Variants in FYCO1 observed in about 807,000 individuals in gnomAD.
FYCO1 encodes the protein FYVE and coiled-coil domain-containing protein 1.
Under a neutral mutation model 165.1 loss-of-function variants are expected in FYCO1, and 122 were observed. The ratio of observed to expected loss-of-function variants is 0.74; its 90% CI spans 0.64 to 0.86. FYCO1 has a LOEUF of 0.86. Ranked by LOEUF, FYCO1 falls within the 40% of genes least tolerant of loss-of-function variation. The pLI, the probability that FYCO1 is intolerant of heterozygous loss-of-function variation, is 0.00. For synonymous variants in FYCO1, 648 were observed against 742.5 expected, an observed-to-expected ratio of 0.87 and a Z score of 2.07; for missense variants, 1,702 against 1,810.3, an observed-to-expected ratio of 0.94 and a Z score of 1.09.
intron 14 of FYCO1, chr3:45,947,239 T>C: frequency 7.4e-6 from 12 of 1,614,164 alleles, no homozygotes; most frequent in Non-Finnish European, 1.0e-5. Context: ...ATGAAGTTCA[T>C]CCGCAGCACA....
At position 45,967,447 on chromosome 3, in the gene FYCO1, G is replaced by C; in HGVS notation, c.1887C>G (p.Val629=). Residue 629 remains valine (V), a synonymous_variant, in exon 8 of 18, where the codon GTC becomes GTG. Coordinates refer to ENST00000296137, the MANE Select transcript of FYCO1 (RefSeq NM_024513.4). The part of the protein sequence containing the change: ...RELEKELQNV[V]GRNQLLEGKL... ...TGCCCTCCAGGAGCTGGTTACGCCC[G>C]ACCACATTCTGTAGCTCCTTCTCCA... 1 of 1,613,524 alleles carries C rather than the reference G, an allele frequency of 6.2e-7. No homozygotes were observed. The highest frequency in any genetic ancestry group is 8.5e-7 in the Non-Finnish European group (1 of 1,180,008).
chr3:45,964,357 G>C lies in FYCO1; in HGVS notation c.3248C>G (p.Ala1083Gly). ...AMLRKDKEGA[A>G]LREDLERTQK... ...TAACCTTTCTAGGTCTTCACGCAGG[G>C]CAGCCCCCTCCTTGTCCTTCCTCAG... Residue 1083 changes from alanine (A) to glycine (G), a missense_variant, in exon 10 of 18, where the codon GCC (alanine) becomes GGC (glycine). Coordinates refer to ENST00000296137, the MANE Select transcript of FYCO1 (RefSeq NM_024513.4). This position sits in a 1 kb window ranked among gnomAD's most constrained non-coding sequence, Gnocchi z 4.1. 1.9e-6 allele frequency: 3 copies of C among 1,613,958 alleles called. No individual in the cohort carries two copies. The highest frequency in any genetic ancestry group is 2.5e-6 in the Non-Finnish European group (3 of 1,179,800).
chr3:45,986,788 C>T (rs544912384), intron 1 of FYCO1, among the ~76,000 whole-genome samples: 1 of 152,308 alleles, frequency 6.6e-6, no homozygotes, highest in East Asian at 1.9e-4. Flanking sequence ...ACCAGCTGAA[C>T]ACAGGCCTGA....
intron 16 of FYCO1, among the ~76,000 whole-genome samples, chr3:45,927,908 C>T (rs1703398793): frequency 6.6e-6 from 1 of 152,244 alleles, no homozygotes; most frequent in South Asian, 2.1e-4. Flanking sequence ...AAGGCAGGTC[C>T]CCTGAAGAGG....
chr3:45,981,326 A>C (rs1384047231), intron 3 of FYCO1, among the ~76,000 whole-genome samples: 2 of 152,190 alleles, frequency 1.3e-5, no homozygotes, highest in Non-Finnish European at 2.9e-5. Flanking sequence ...CCTTACAATG[A>C]CCTAAATCTC....
intron 6 of FYCO1, among the ~76,000 whole-genome samples, chr3:45,972,822 T>G (rs1372330491): frequency 6.6e-6 from 1 of 152,140 alleles, no homozygotes; most frequent in Non-Finnish European, 1.5e-5. Flanking sequence ...ACAAGTGCCT[T>G]AAAAAAATTT....
Position 45,966,437 on chromosome 3 carries a change from T to C in FYCO1, c.2897A>G (p.Lys966Arg), listed in dbSNP as rs1028481922. ...QEKESLQEKL[K>R]AAKAAAGSLP... ...TGAGCCGGCTGCTGCCTTGGCCGCC[T>C]TCAGCTTCTCCTGCAAGCTCTCCTT... The change falls in exon 8 of 18, where the codon AAG becomes AGG. Residue 966 changes from lysine (K) to arginine (R), a missense_variant. Transcript: ENST00000296137. The C allele has an allele frequency of 6.2e-7, 1 of 1,612,676 alleles. No homozygotes were observed. The highest frequency in any genetic ancestry group is 8.5e-7 in the Non-Finnish European group (1 of 1,178,890).
Position 45,955,399 on chromosome 3 carries a change from C to T in FYCO1, c.3800-6G>A, listed in dbSNP as rs749256294. Reference sequence around the variant, plus strand: ...CCTGTAGTCTGTATTTGCTCCTGGGCAGCAGAGGCAGATCAGGAGAGAAGA... The same window carrying T: ...CCTGTAGTCTGTATTTGCTCCTGGGTAGCAGAGGCAGATCAGGAGAGAAGA... On this transcript the variant is annotated splice_region_variant and splice_polypyrimidine_tract_variant and intron_variant, in intron 13 of 17. Coordinates refer to ENST00000296137, the MANE Select transcript of FYCO1 (RefSeq NM_024513.4). The T allele has an allele frequency of 2.5e-5, 40 of 1,614,004 alleles. No homozygotes were observed. The highest frequency in any genetic ancestry group is 8.3e-5 in the Admixed American group (5 of 60,008).
Position 45,969,577 on chromosome 3 carries a change from C to G in FYCO1, c.630+98G>C, listed in dbSNP as rs7646474. ...AGTGGTTCTATTGCTCTGGCTGGAACAACGGGCATCTGAGAACATCACCCT... is the reference window on the plus strand; with the variant it reads ...AGTGGTTCTATTGCTCTGGCTGGAAGAACGGGCATCTGAGAACATCACCCT... On this transcript the variant is annotated intron_variant, in intron 7 of 17. Coordinates refer to ENST00000296137, the MANE Select transcript of FYCO1 (RefSeq NM_024513.4). The G allele has an allele frequency of 0.015, 13,337 of 915,492 alleles. 235 individuals carry two copies. The highest frequency in any genetic ancestry group is 0.07 in the African/African-American group (4,276 of 61,240). 56.7% of individuals were successfully genotyped at this position (915,492 alleles called of 1,614,324 possible).
chr3:45,973,931 T>C (rs1706582990), intron 5 of FYCO1, among the ~76,000 whole-genome samples: 1 of 151,834 alleles, frequency 6.6e-6, no homozygotes, highest in African/African-American at 2.4e-5. Flanking sequence ...CATGGTGGCA[T>C]GTACCTGTAG....
chr3:45,926,693 G>C lies in FYCO1; in HGVS notation c.4252-2928C>G, dbSNP rs961158534. On this transcript the variant is annotated intron_variant, in intron 16 of 17. Coordinates refer to ENST00000296137, the MANE Select transcript of FYCO1 (RefSeq NM_024513.4). ...ATAATAGAATATTCCGGCCAGGCAC[G>C]GTGGCTCACGCCCGTAATCTCAACA... 3.2e-4 allele frequency among the ~76,000 whole-genome samples: 48 copies of C among 152,300 alleles called. 1 individual carries two copies. The highest frequency in any genetic ancestry group is 1.1e-3 in the African/African-American group (47 of 41,556).
At chr3:45,956,210 C>A (rs1705307758) in intron 13 of FYCO1, among the ~76,000 whole-genome samples, 1 of 151,992 alleles carries the variant, frequency 6.6e-6, no homozygotes, top group Non-Finnish European at 1.5e-5. Flanking sequence ...GTGGCGGGCA[C>A]CTGTAATCCC....
At position 45,984,897 on chromosome 3, in the gene FYCO1, T is replaced by A. The variant is rs772586064; in HGVS notation, c.14A>T (p.Asn5Ile). 6.2e-7 allele frequency: 1 copy of A among 1,614,148 alleles called. No individual in the cohort carries two copies. The highest frequency in any genetic ancestry group is 8.5e-7 in the Non-Finnish European group (1 of 1,180,020). The change falls in exon 2 of 18, where the codon AAT becomes ATT. Residue 5 changes from asparagine to isoleucine, a missense_variant. Physicochemically the swap from Asn to Ile is moderately radical, Grantham distance 149. Transcript: ENST00000296137. The stretch of plus-strand genomic sequence containing the variant: ...GATTCTCTGGAGCTGGCTCTCTGCA[T>A]TGGTGGAGGCCATGGTGAGTTTGCC... MAST[N>I]AESQLQRIIR...
chr3:45,965,215 G>C (rs780385308), intron 8 of FYCO1, 90 bp from the exon 9 acceptor site: 27 of 987,536 alleles, frequency 2.7e-5, no homozygotes, highest in Non-Finnish European at 4.1e-5. Flanking sequence ...ATAAAACCAA[G>C]CTAACTTTCT....
Position 45,967,931 on chromosome 3 carries a change from T to G in FYCO1, c.1403A>C (p.Gln468Pro), listed in dbSNP as rs781092962. The change falls in exon 8 of 18, where the codon CAG becomes CCG. Residue 468 changes from glutamine to proline, a missense_variant. Gln to Pro is a moderately conservative substitution (Grantham distance 76, BLOSUM62 -1). Transcript: ENST00000296137. ...ELSGKGQEAD[Q>P]LWRRLQELLA... ...CAACTCCTGCAGCCGTCGCCAGAGC[T>G]GGTCTGCCTCCTGTCCCTTCCCAGA... The G allele has an allele frequency of 6.2e-7, 1 of 1,614,156 alleles. No homozygotes were observed. Among genetic ancestry groups the G allele is most frequent in the Non-Finnish European group, 8.5e-7 (1 of 1,180,036 alleles).
chr3:45,978,960 C>T (rs891202391), intron 4 of FYCO1, among the ~76,000 whole-genome samples: 1 of 151,658 alleles, frequency 6.6e-6, no homozygotes, highest in Non-Finnish European at 1.5e-5. Context: ...GGGTTCACGC[C>T]ATTCTCCTGC....
At chr3:45,936,420 G>A in intron 15 of FYCO1, 28 bp downstream of exon 15, 1 of 1,523,242 alleles carries the variant, frequency 6.6e-7, no homozygotes, top group Non-Finnish European at 9.1e-7. Context: ...CACACCTGGG[G>A]AGGGCCCAGG....
rs752958998 is a variant in FYCO1, at chr3:45,975,307, G to T, written c.327C>A (p.Arg109=). The change falls in exon 5 of 18, where the codon CGC becomes CGA. Residue 109 remains arginine (R), a synonymous_variant. Coordinates refer to ENST00000296137, the MANE Select transcript of FYCO1 (RefSeq NM_024513.4). Reference sequence around the variant, plus strand: ...CCAACCTCTGGTGCACCAAGGAGTAGCGAATAAATGCTCTTCCTTTCCCCA... The same window carrying T: ...CCAACCTCTGGTGCACCAAGGAGTATCGAATAAATGCTCTTCCTTTCCCCA... The part of the protein sequence containing the change: ...TSLGKGRAFI[R]YSLVHQRLAD... 3 of 1,614,122 alleles carry T rather than the reference G, an allele frequency of 1.9e-6. No individual in the cohort carries two copies. The highest frequency in any genetic ancestry group is 2.5e-6 in the Non-Finnish European group (3 of 1,179,976).
chr3:45,929,739 T>G (rs1193335583), intron 16 of FYCO1, among the ~76,000 whole-genome samples: 1 of 152,026 alleles, frequency 6.6e-6, no homozygotes, highest in Middle Eastern at 3.2e-3. Flanking sequence ...AATATGAGAT[T>G]CCAATAAACA....
Sources: gnomAD v4.1 joint callset for allele counts (sites outside exome capture counted in the v4.1 genomes callset) on GRCh38, gnomAD v4.1.1 for gene constraint, Gnocchi (gnomAD v3.1) non-coding constraint, MANE v1.5 for transcripts, NCBI Gene and HGNC (gene_info 2026-07-23, HGNC 2026-07-21) for gene names.